The following GAD1 variants were observed in gnomAD, a reference collection of about 807,000 sequenced individuals.
GAD1 encodes glutamate decarboxylase 1, also known as 67 kDa glutamic acid decarboxylase.
Under a neutral mutation model 75.2 loss-of-function variants are expected in GAD1, and 35 were observed. The observed-to-expected ratio is 0.47, with a 90% CI of 0.36 to 0.62. GAD1 has a LOEUF of 0.62. GAD1 is among the 20% of genes least tolerant of loss of function. The probability of loss-of-function intolerance (pLI) is 0.00; values close to 1 mark genes in which losing one functional copy is unlikely to be tolerated. For missense variants in GAD1, 490 were observed against 758.5 expected, an observed-to-expected ratio of 0.65 and a Z score of 4.16; for synonymous variants, 257 against 271.9, an observed-to-expected ratio of 0.95 and a Z score of 0.54.
intron 15 of GAD1, among the ~76,000 whole-genome samples, 197 bp from the exon 16 acceptor site, chr2:170,858,607 A>C (rs374868145): frequency 3.3e-5 from 5 of 152,186 alleles, no homozygotes; most frequent in African/African-American, 1.2e-4. Flanking sequence ...GGTTGTAGGG[A>C]ACAGCTCTCT....
At position 170,846,008 on chromosome 2, in the gene GAD1, G is replaced by C; in HGVS notation, c.948-1G>C. 1.2e-6 allele frequency: 2 copies of C among 1,612,742 alleles called. No individual in the cohort carries two copies. Among genetic ancestry groups the C allele is most frequent in the Non-Finnish European group, 1.7e-6 (2 of 1,178,914 alleles). ...TTTCCCTCCTTTTCCAATAATTATA[G>C]GGGGAAAATAATTCCAGCTGATTTT... On this transcript the variant is annotated splice_acceptor_variant, in intron 9 of 16. Transcript: ENST00000358196. LOFTEE classifies it high-confidence loss of function.
intron 5 of GAD1, among the ~76,000 whole-genome samples, chr2:170,834,614 T>C (rs1046644213): frequency 2.6e-5 from 4 of 152,210 alleles, no homozygotes; most frequent in African/African-American, 7.2e-5. Flanking sequence ...ATTTTAAACT[T>C]ATACAAAAGT....
chr2:170,818,515 G>A lies in GAD1; in HGVS notation c.-63-14G>A. ...CGGAAGTCCTCCCCGCACAGCTCTC[G>A]CTTCTCTTTGCAGCCTGTTTCTGCG... is the stretch of plus-strand genomic sequence containing the variant. On this transcript the variant is annotated splice_polypyrimidine_tract_variant and intron_variant, in intron 1 of 16. Transcript: ENST00000358196. The surrounding 1 kb of genome is among the most constrained non-coding windows in gnomAD (Gnocchi z 5.9). The A allele has an allele frequency of 7.3e-7, 1 of 1,372,596 alleles. No individual in the cohort carries two copies. The highest frequency in any genetic ancestry group is 1.0e-6 in the Non-Finnish European group (1 of 960,110). The allele number at this position is 1,372,596 out of a possible 1,614,324, so 85.0% of individuals were successfully genotyped here. A position where few individuals can be genotyped will look rare whatever the true frequency, so the allele number is the denominator to read the frequency against.
At chr2:170,829,428 G>T (rs1417012456) in intron 3 of GAD1, 47 bp from the exon 4 acceptor site, 2 of 1,607,300 alleles carry the variant, frequency 1.2e-6, no homozygotes, top group Non-Finnish European at 1.7e-6. Context: ...ACCCTCAGGG[G>T]CTGGGCAGTT....
At chr2:170,833,792 G>A (rs1025785812) in intron 5 of GAD1, among the ~76,000 whole-genome samples, 10 of 149,780 alleles carry the variant, frequency 6.7e-5, no homozygotes, top group South Asian at 6.4e-4. Flanking sequence ...TGGATCACGC[G>A]AGCTCAGGAG....
At chr2:170,821,219 G>A (rs914115148) in intron 2 of GAD1, among the ~76,000 whole-genome samples, 4 of 152,194 alleles carry the variant, frequency 2.6e-5, no homozygotes, top group African/African-American at 9.6e-5. Flanking sequence ...CCGCTTGGGG[G>A]CTTAGTGGGG....
rs973877604 is a variant in GAD1 at position 170,822,180 on chromosome 2, G to C, written c.145+31G>C. ...TGACAGGACCCACTGGGGCCCGGCT[G>C]GGTGGCGCGGCGGGCGGACCTTTGG... On this transcript the variant is annotated intron_variant, in intron 3 of 16. Transcript: ENST00000358196. 3 of 1,600,984 alleles carry C rather than the reference G, an allele frequency of 1.9e-6. No homozygotes were observed. In the African/African-American group the frequency reaches 4.0e-5, roughly 21 times the overall value.
chr2:170,841,832 A>G (rs1053024159), intron 6 of GAD1, among the ~76,000 whole-genome samples: 1 of 152,236 alleles, frequency 6.6e-6, no homozygotes, highest in Non-Finnish European at 1.5e-5. Flanking sequence ...GGCAGGGACT[A>G]TCAAACAGGA....
rs936496187 is a variant in GAD1, at chr2:170,853,413, C to T, written c.1264-460C>T. The T allele has an allele frequency of 9.3e-6, 2 of 214,204 alleles. No individual in the cohort carries two copies. Among genetic ancestry groups the T allele is most frequent in the African/African-American group, 4.6e-5 (2 of 43,810 alleles). 13.3% of individuals were successfully genotyped at this position (214,204 alleles called of 1,614,324 possible). On this transcript the variant is annotated intron_variant, in intron 13 of 16. Transcript: ENST00000358196. This position sits in a 1 kb window ranked among gnomAD's most constrained non-coding sequence, Gnocchi z 4.1. The stretch of plus-strand genomic sequence containing the variant: ...GTAGGAGCCAGAATCTGCACAGCGT[C>T]TTTAGTCCACTCATATGTGGAATCC...
At position 170,847,827 on chromosome 2, in the gene GAD1, G is replaced by C. The variant is rs1244733575; in HGVS notation, c.1119+35G>C. 5.6e-6 allele frequency: 8 copies of C among 1,416,230 alleles called. No homozygotes were observed. The East Asian group carries it at 6.8e-5, about 12-fold the overall frequency. The allele number at this position is 1,416,230 out of a possible 1,614,324, so 87.7% of individuals were successfully genotyped here. A position where few individuals can be genotyped will look rare whatever the true frequency, so the allele number is the denominator to read the frequency against. On this transcript the variant is annotated intron_variant, in intron 11 of 16. Transcript: ENST00000358196. ...ATATAACTCAGGCCAGTCCATGTGG[G>C]GGGTGGAGGCACCTCTTTTTTATGA...
upstream of GAD1, among the ~76,000 whole-genome samples, chr2:170,815,065 T>C (rs1227142990): frequency 6.6e-6 from 1 of 152,192 alleles, no homozygotes; most frequent in East Asian, 1.9e-4. Flanking sequence ...GATTTAGCAC[T>C]GGCACCTGGC....
chr2:170,830,725 C>T (rs1254416162), intron 4 of GAD1, among the ~76,000 whole-genome samples: 1 of 152,210 alleles, frequency 6.6e-6, no homozygotes, highest in Non-Finnish European at 1.5e-5. Flanking sequence ...CATTCCATGT[C>T]TGAGCAGCCT....
chr2:170,847,540 G>C (rs1702659150), intron 10 of GAD1, 136 bp from the exon 11 acceptor site: 1 of 757,820 alleles, frequency 1.3e-6, no homozygotes, highest in Non-Finnish European at 2.4e-6. Flanking sequence ...AACACTACTA[G>C]ACATAGTATC....
At chr2:170,820,221 C>G (rs923890103) in intron 2 of GAD1, among the ~76,000 whole-genome samples, 1 of 152,200 alleles carries the variant, frequency 6.6e-6, no homozygotes, top group Non-Finnish European at 1.5e-5. Flanking sequence ...CCTCCACTCC[C>G]GGCGCCCTTA....
At chr2:170,839,298 G>A (rs1220142108) in intron 6 of GAD1, among the ~76,000 whole-genome samples, 1 of 152,204 alleles carries the variant, frequency 6.6e-6, no homozygotes, top group Non-Finnish European at 1.5e-5. Flanking sequence ...GGTGCAAAGT[G>A]CAAGGTGTCT....
In GAD1 at chr2:170,847,705, T is replaced by A. The variant is rs894359826; in HGVS notation, c.1032T>A (p.Thr344=). ...KGYVPFYVNA[T]AGTTVYGAFD... is the part of the protein sequence containing the mutation. ...ATGTTCCCTTTTATGTCAATGCAAC[T>A]GCTGGCACGACTGTTTATGGAGCTT... Residue 344 remains threonine, a synonymous_variant, in exon 11 of 17, where the codon ACT becomes ACA. Transcript: ENST00000358196. 6.2e-7 allele frequency: 1 copy of A among 1,613,952 alleles called. No homozygotes were observed. Among genetic ancestry groups the A allele is most frequent in the African/African-American group, 1.3e-5 (1 of 74,944 alleles).
intron 11 of GAD1, chr2:170,848,934 A>T: frequency 2.4e-6 from 1 of 419,030 alleles, no homozygotes; most frequent in East Asian, 6.3e-5. Flanking sequence ...CAGTTTTTTG[A>T]GCAGCTTCCA....
At chr2:170,855,445 T>C (rs991429341) in intron 14 of GAD1, among the ~76,000 whole-genome samples, 26 of 151,912 alleles carry the variant, frequency 1.7e-4, no homozygotes, top group African/African-American at 5.3e-4. Flanking sequence ...TGACCCCAAG[T>C]GATCCACCCA....
At chr2:170,833,464 GA>G (rs1702292579) in intron 5 of GAD1, among the ~76,000 whole-genome samples, 1 of 152,212 alleles carries the variant, frequency 6.6e-6, no homozygotes. Flanking sequence ...ATTCCTAATG[GA>G]AAACAAATAG....
Sources: allele counts gnomAD v4.1 joint callset (sites outside exome capture counted in the v4.1 genomes callset), GRCh38; gene constraint gnomAD v4.1.1; non-coding constraint Gnocchi (gnomAD v3.1); transcripts MANE v1.5; gene names NCBI Gene and HGNC (gene_info 2026-07-23, HGNC 2026-07-21).